Variants in RNF182 observed in about 807,000 individuals in gnomAD.
RNF182 encodes the protein E3 ubiquitin-protein ligase RNF182.
RNF182 carries 15 observed loss-of-function variants against 14.4 expected under a neutral mutation model. The observed-to-expected ratio is 1.04, with a 90% CI of 0.70 to 1.60. The LOEUF (loss-of-function observed/expected upper bound fraction) is 1.60, where lower values mean the gene tolerates loss of function less well. RNF182 is among the 40% of genes most tolerant of loss of function. The pLI, the probability that RNF182 is intolerant of heterozygous loss-of-function variation, is 0.00. For missense variants in RNF182, 268 were observed against 294.8 expected (o/e 0.91, Z 0.67); for synonymous variants, 128 against 122.9 (o/e 1.04, Z -0.27).
At chr6:13,975,132 G>A (rs1402318040) in intron 2 of RNF182, among the ~76,000 whole-genome samples, 2 of 152,068 alleles carry the variant, frequency 1.3e-5, no homozygotes, top group Non-Finnish European at 2.9e-5. Context: ...CCCAGGGCTG[G>A]GGACTGTCCC....
intron 1 of RNF182, among the ~76,000 whole-genome samples, chr6:13,936,773 C>G (rs940905772): frequency 6.6e-6 from 1 of 152,192 alleles, no homozygotes; most frequent in Non-Finnish European, 1.5e-5. Context: ...GATGTCTATA[C>G]TGGATGAAGG....
intron 1 of RNF182, among the ~76,000 whole-genome samples, chr6:13,948,192 G>A (rs113671212): frequency 1.8e-3 from 274 of 152,132 alleles, no homozygotes; most frequent in African/African-American, 6.0e-3. Context: ...GTTTTTCTTC[G>A]TTTTAATGGC....
chr6:13,966,763 C>T (rs1322702486), intron 1 of RNF182, among the ~76,000 whole-genome samples: 2 of 129,768 alleles, frequency 1.5e-5, no homozygotes, highest in Admixed American at 1.5e-4. Context: ...AACCTGTCCC[C>T]ACCCCCCCAC....
At chr6:13,941,494 C>T (rs1364579958) in intron 1 of RNF182, among the ~76,000 whole-genome samples, 1 of 152,068 alleles carries the variant, frequency 6.6e-6, no homozygotes, top group African/African-American at 2.4e-5. Context: ...TCTCACCTGA[C>T]AGTCTTTGGA....
At chr6:13,961,969 A>G (rs1440831428) in intron 1 of RNF182, among the ~76,000 whole-genome samples, 4 of 152,142 alleles carry the variant, frequency 2.6e-5, no homozygotes, top group African/African-American at 4.8e-5. Context: ...GACTTTTATT[A>G]TAGTGAGAAG....
chr6:13,959,279 A>G (rs776058083), intron 1 of RNF182, among the ~76,000 whole-genome samples: 3 of 152,254 alleles, frequency 2.0e-5, no homozygotes, highest in South Asian at 2.1e-4. Context: ...TGTACTGTTC[A>G]TGGAACTTAA....
At chr6:13,939,356 TA>T (rs1303921361) in intron 1 of RNF182, among the ~76,000 whole-genome samples, 5 of 152,240 alleles carry the variant, frequency 3.3e-5, no homozygotes, top group Middle Eastern at 3.4e-3. Context: ...GCTCTCCATT[TA>T]ATTATGTTGT....
intron 1 of RNF182, among the ~76,000 whole-genome samples, chr6:13,942,630 C>A (rs535624147): frequency 8.7e-4 from 133 of 152,278 alleles, no homozygotes; most frequent in African/African-American, 3.1e-3. Context: ...GTGTGAGCCA[C>A]CACCCCTGGC....
At chr6:13,939,579 T>C (rs190614685) in intron 1 of RNF182, among the ~76,000 whole-genome samples, 27 of 152,292 alleles carry the variant, frequency 1.8e-4, no homozygotes, top group Admixed American at 1.7e-3. Context: ...AGTCTCTCTC[T>C]GTTGCCCACA....
chr6:13,954,063 T>A (rs74291010), intron 1 of RNF182, among the ~76,000 whole-genome samples: 8,026 of 152,308 alleles, frequency 0.053, 660 homozygotes, highest in East Asian at 0.43. Flanking sequence ...GAAAATGATA[T>A]AATGAATCCC....
chr6:13,971,130 G>A lies in RNF182; in HGVS notation c.-366-3080G>A, dbSNP rs141158506. ...AAGGCGTCGGCTGTCCTGATGATAT[G>A]ATTTGGCTCTGTTTCCCCACCCAAA... is the stretch of plus-strand genomic sequence containing the variant. On this transcript the variant is annotated intron_variant, in intron 1 of 2. Transcript: ENST00000488300. Among the ~76,000 whole-genome samples, 11 of 152,158 alleles carry A rather than the reference G, an allele frequency of 7.2e-5. No individual in the cohort carries two copies. The East Asian group carries it at 2.1e-3, about 30-fold the overall frequency.
intron 1 of RNF182, among the ~76,000 whole-genome samples, chr6:13,970,805 A>G (rs955576572): frequency 4.6e-5 from 7 of 152,210 alleles, no homozygotes; most frequent in African/African-American, 1.7e-4. Flanking sequence ...GATCATATGG[A>G]AAAAGTAAGT....
intron 1 of RNF182, among the ~76,000 whole-genome samples, chr6:13,973,726 C>T (rs950184222): frequency 1.8e-4 from 28 of 152,264 alleles, no homozygotes; most frequent in African/African-American, 5.5e-4. Context: ...CGTGAAACCT[C>T]TTTTTCTATA....
At chr6:13,956,147 A>T (rs1759723578) in intron 1 of RNF182, among the ~76,000 whole-genome samples, 1 of 152,040 alleles carries the variant, frequency 6.6e-6, no homozygotes, top group Non-Finnish European at 1.5e-5. Context: ...GCTGAATAGT[A>T]TTTCATTGTG....
chr6:13,935,639 A>G (rs951735373), intron 1 of RNF182, among the ~76,000 whole-genome samples: 4 of 152,246 alleles, frequency 2.6e-5, no homozygotes, highest in Admixed American at 6.5e-5. Flanking sequence ...CACATTAGTT[A>G]TAACCACAGG....
chr6:13,947,941 C>T (rs1292944836), intron 1 of RNF182, among the ~76,000 whole-genome samples: 1 of 152,102 alleles, frequency 6.6e-6, no homozygotes, highest in Non-Finnish European at 1.5e-5. Flanking sequence ...CAAATAGTTT[C>T]CAAATTTGGG....
chr6:13,943,898 G>C (rs1759365161), intron 1 of RNF182, among the ~76,000 whole-genome samples: 1 of 152,186 alleles, frequency 6.6e-6, no homozygotes, highest in Non-Finnish European at 1.5e-5. Context: ...GTGTAGTTAG[G>C]CAGTGTGGGT....
At chr6:13,929,991 T>C (rs191501388) in intron 1 of RNF182, among the ~76,000 whole-genome samples, 1 of 152,356 alleles carries the variant, frequency 6.6e-6, no homozygotes, top group Non-Finnish European at 1.5e-5. Context: ...AAAAGATGTT[T>C]TCCAAAGGTA....
chr6:13,945,744 T>G (rs1170410274), intron 1 of RNF182, among the ~76,000 whole-genome samples: 1 of 152,226 alleles, frequency 6.6e-6, no homozygotes, highest in Admixed American at 6.5e-5. Context: ...CTGCTGTGCC[T>G]TAATTTCATC....
Sources: gnomAD v4.1 joint callset for allele counts (sites outside exome capture counted in the v4.1 genomes callset) on GRCh38, gnomAD v4.1.1 for gene constraint, MANE v1.5 for transcripts, NCBI Gene and HGNC (gene_info 2026-07-23, HGNC 2026-07-21) for gene names.